Variants in HEXD observed in about 807,000 individuals in gnomAD.
HEXD encodes the protein N-acetyl-beta-galactosaminidase.
A neutral mutation model predicts 54.2 loss-of-function variants in HEXD; 47 were observed. The ratio of observed to expected loss-of-function variants is 0.87; its 90% confidence interval spans 0.69 to 1.11. HEXD has a LOEUF of 1.11. HEXD is among the 50% of genes least tolerant of loss of function. The pLI is 0.00. For missense variants in HEXD, 576 were observed against 649.2 expected (o/e 0.89, Z 1.23); for synonymous variants, 293 against 287.6 (o/e 1.02, Z -0.19).
intron 11 of HEXD, 61 bp from the exon 12 acceptor site, chr17:82,441,739 C>A: frequency 7.6e-7 from 1 of 1,309,768 alleles, no homozygotes; most frequent in Non-Finnish European, 1.1e-6. Context: ...TGTATTACTG[C>A]AAAGCCGCCC....
intron 5 of HEXD, 152 bp from the exon 6 acceptor site, chr17:82,435,537 C>T (rs948451227): frequency 1.9e-5 from 13 of 668,668 alleles, no homozygotes; most frequent in African/African-American, 1.1e-4. Context: ...GACAGGGACA[C>T]GCTGGGGGTG....
At chr17:82,440,123 T>G in intron 9 of HEXD, 1 of 1,294,590 alleles carries the variant, frequency 7.7e-7, no homozygotes, top group Non-Finnish European at 1.0e-6. Flanking sequence ...CCAGGTCTCC[T>G]GAGGGAGCAG....
At chr17:82,437,127 G>A (rs368526395) in intron 7 of HEXD, 41 bp from the exon 8 acceptor site, 28 of 1,518,706 alleles carry the variant, frequency 1.8e-5, no homozygotes, top group African/African-American at 8.3e-5. Context: ...CGTGTTGGCC[G>A]CCTCCCCTGG....
intron 1 of HEXD, 120 bp from the exon 2 acceptor site, chr17:82,419,629 G>A (rs1488936639): frequency 1.6e-5 from 8 of 510,932 alleles, no homozygotes; most frequent in Non-Finnish European, 2.5e-5. Flanking sequence ...AGCAAAATGA[G>A]TTTCCTCCAA....
rs747069143 is a variant in HEXD, at chr17:82,442,424, G to A, written c.*40G>A. On this transcript the variant is annotated 3_prime_UTR_variant, in exon 13 of 13. Transcript: ENST00000327949. This position sits in a 1 kb window ranked among gnomAD's most constrained non-coding sequence, Gnocchi z 6.8. ...CCAGGGGGCTCCTGCTGGAGGCTGG[G>A]GGGGCTCTGCACTGCCAAATGGCCT... The A allele has an allele frequency of 5.0e-6, 8 of 1,610,144 alleles. No homozygotes were observed. In the South Asian group the frequency reaches 6.6e-5, roughly 13 times the overall value.
At chr17:82,422,967 G>T (rs970086147) in intron 2 of HEXD, among the ~76,000 whole-genome samples, 27 of 151,906 alleles carry the variant, frequency 1.8e-4, no homozygotes, top group African/African-American at 6.5e-4. Context: ...TGAGGCAGGA[G>T]AATTGCTTGA....
At position 82,441,049 on chromosome 17, in the gene HEXD, C is replaced by T; in HGVS notation, c.1035C>T (p.Ser345=). 1 of 1,613,662 alleles carries T rather than the reference C, an allele frequency of 6.2e-7. No individual in the cohort carries two copies. Among genetic ancestry groups the T allele is most frequent in the Non-Finnish European group, 8.5e-7 (1 of 1,179,998 alleles). The change falls in exon 10 of 13, where the codon TCC becomes TCT. Residue 345 remains serine (S), a synonymous_variant. Coordinates refer to ENST00000327949, the MANE Select transcript of HEXD (RefSeq NM_001330542.2). ...KAKVENLLGI[S]SLEKTDPVRE... ...AAGTGGAGAACCTTCTCGGGATTTC[C>T]AGCCTGGAAAAAACGGACCCTGTTA...
intron 2 of HEXD, among the ~76,000 whole-genome samples, 179 bp from the exon 3 acceptor site, chr17:82,424,215 G>A (rs560828768): frequency 6.6e-6 from 1 of 152,196 alleles, no homozygotes; most frequent in Non-Finnish European, 1.5e-5. Context: ...ACTGGAACGG[G>A]GAGTTTCATT....
chr17:82,441,289 G>GGT (rs1197863626), intron 11 of HEXD, 23 bp downstream of exon 11: 1 of 1,597,136 alleles, frequency 6.3e-7, no homozygotes, highest in Admixed American at 1.8e-5. Context: ...GTTAGGGGCA[G>GGT]GTGTGGGTGA....
chr17:82,433,112 AT>A (rs2053643784), intron 4 of HEXD, among the ~76,000 whole-genome samples: 1 of 18,484 alleles, frequency 5.4e-5, no homozygotes, highest in Non-Finnish European at 8.1e-5. Flanking sequence ...ATATATATAT[AT>A]ATATATATAT....
In HEXD at chr17:82,435,669, G is replaced by A. The variant is rs368875766; in HGVS notation, c.448-20G>A. 1.4e-5 allele frequency: 22 copies of A among 1,601,552 alleles called. No individual in the cohort carries two copies. Among genetic ancestry groups the A allele is most frequent in the African/African-American group, 2.7e-5 (2 of 74,750 alleles). On this transcript the variant is annotated intron_variant, in intron 5 of 12. Coordinates refer to ENST00000327949, the MANE Select transcript of HEXD (RefSeq NM_001330542.2). ...TGTGCACGGCTGCCAAGGCAACCCC[G>A]TCCTGCTCCTTCCTTGCAGGTCTAT...
chr17:82,440,456 ATT>A (rs1370712454), intron 9 of HEXD: 1 of 587,662 alleles, frequency 1.7e-6, no homozygotes, highest in Non-Finnish European at 2.5e-6. Flanking sequence ...CTGTGTTAAT[ATT>A]GACGGTATTT....
At chr17:82,425,968 G>A (rs9902897) in intron 3 of HEXD, 74,182 of 152,236 alleles carry the variant, frequency 0.49, 19,912 homozygotes, top group East Asian at 0.9. Flanking sequence ...GCCATGGATA[G>A]TGGCATGGGG....
At chr17:82,428,492 G>C in intron 3 of HEXD, 66 bp from the exon 4 acceptor site, 5 of 1,390,052 alleles carry the variant, frequency 3.6e-6, no homozygotes, top group Admixed American at 3.4e-5. Flanking sequence ...GGAAGGGCTG[G>C]GGGGGTGGGT....
intron 4 of HEXD, among the ~76,000 whole-genome samples, chr17:82,431,358 C>T (rs2053571303): frequency 6.6e-6 from 1 of 151,806 alleles, no homozygotes; most frequent in South Asian, 2.1e-4. Context: ...AGTGGGGTCT[C>T]ACTATGTTGC....
At chr17:82,432,866 A>G (rs546744069) in intron 4 of HEXD, among the ~76,000 whole-genome samples, 4 of 146,648 alleles carry the variant, frequency 2.7e-5, no homozygotes, top group South Asian at 2.2e-4. Flanking sequence ...GATCGAGACC[A>G]TCCTGGCTAA....
At position 82,442,128 on chromosome 17, in the gene HEXD, G is replaced by T; in HGVS notation, c.1254-49G>T. ...GGCAGTACTGACCATGGGGCTGAGGGCAAGTCCCAAGTGTGCAGACTGTGC... is the reference window on the plus strand; with the variant it reads ...GGCAGTACTGACCATGGGGCTGAGGTCAAGTCCCAAGTGTGCAGACTGTGC... On this transcript the variant is annotated intron_variant, in intron 12 of 12. Transcript: ENST00000327949. The surrounding 1 kb of genome is among the most constrained non-coding windows in gnomAD (Gnocchi z 6.8). 6.4e-7 allele frequency: 1 copy of T among 1,565,820 alleles called. No homozygotes were observed.
chr17:82,432,877 C>A (rs1372509516), intron 4 of HEXD, among the ~76,000 whole-genome samples: 4 of 146,160 alleles, frequency 2.7e-5, no homozygotes, highest in Non-Finnish European at 1.5e-5. Context: ...TCCTGGCTAA[C>A]ACGGTGAAAC....
chr17:82,431,420 C>T (rs1054296296), intron 4 of HEXD, among the ~76,000 whole-genome samples: 15 of 151,482 alleles, frequency 9.9e-5, no homozygotes, highest in Non-Finnish European at 2.2e-4. Context: ...CTCTGCCTCC[C>T]TAAGTGCTAA....
Sources: gnomAD v4.1 joint callset for allele counts (sites outside exome capture counted in the v4.1 genomes callset) on GRCh38, gnomAD v4.1.1 for gene constraint, Gnocchi (gnomAD v3.1) non-coding constraint, MANE v1.5 for transcripts, NCBI Gene and HGNC (gene_info 2026-07-23, HGNC 2026-07-21) for gene names.